The following SLC39A10 variants were observed in gnomAD, a reference collection of about 807,000 sequenced individuals.
SLC39A10 encodes the protein zinc transporter ZIP10.
In SLC39A10, 13 loss-of-function variants were observed where a neutral mutation model predicts 65.1. That is an observed-to-expected ratio of 0.20 (90% CI 0.13 to 0.32). The LOEUF is 0.32. Ranked by LOEUF, SLC39A10 falls within the 10% of genes least tolerant of loss-of-function variation. The pLI is 1.00. For missense variants in SLC39A10, 831 were observed against 1,018.4 expected, an observed-to-expected ratio of 0.82 and a Z score of 2.50; for synonymous variants, 321 against 342.2, an observed-to-expected ratio of 0.94 and a Z score of 0.68.
At chr2:195,664,799 A>G (rs1376577723) in intron 1 of SLC39A10, among the ~76,000 whole-genome samples, 1 of 152,206 alleles carries the variant, frequency 6.6e-6, no homozygotes, top group Non-Finnish European at 1.5e-5. Context: ...AAGTTTTTAT[A>G]GTTTTTCCCC....
At position 195,716,998 on chromosome 2, in the gene SLC39A10, C is replaced by T. The variant is rs759918052; in HGVS notation, c.2058C>T (p.Leu686=). Reference sequence around the variant, plus strand: ...GCATCCACAACTTCAGTGATGGGCTCGCAATTGGTAAGTGGACTGGAAACC... The same window carrying T: ...GCATCCACAACTTCAGTGATGGGCTTGCAATTGGTAAGTGGACTGGAAACC... ...GDGIHNFSDG[L]AIGAAFSAGL... is the part of the protein sequence containing the mutation. The change falls in exon 7 of 10, where the codon CTC becomes CTT. Residue 686 remains leucine (L), a synonymous_variant. Coordinates refer to ENST00000359634, the MANE Select transcript of SLC39A10 (RefSeq NM_020342.3). The T allele has an allele frequency of 2.0e-5, 33 of 1,612,830 alleles. No individual in the cohort carries two copies. The highest frequency in any genetic ancestry group is 2.6e-5 in the Non-Finnish European group (31 of 1,179,368).
chr2:195,680,546 TA>T lies in SLC39A10; in HGVS notation c.507del (p.Lys169AsnfsTer153). On this transcript the variant is annotated frameshift_variant, in exon 2 of 10. Transcript: ENST00000359634. LOFTEE classifies it high-confidence loss of function. ...TVEVSVKSDD[K>X]HMHDHNHRLR... ...TTGAAGTGTCTGTAAAATCTGATGA[TA>T]AACATATGCATGACCATAATCACCG... 6.2e-7 allele frequency: 1 copy of T among 1,614,162 alleles called. No homozygotes were observed. The highest frequency in any genetic ancestry group is 8.5e-7 in the Non-Finnish European group (1 of 1,180,036).
At chr2:195,698,544 T>A (rs1691061648) in intron 3 of SLC39A10, among the ~76,000 whole-genome samples, 1 of 152,086 alleles carries the variant, frequency 6.6e-6, no homozygotes, top group Admixed American at 6.6e-5. Flanking sequence ...TTGAATTTTG[T>A]CATGTGCTTT....
chr2:195,712,569 CT>C (rs942395686), intron 5 of SLC39A10, among the ~76,000 whole-genome samples: 6 of 152,056 alleles, frequency 3.9e-5, no homozygotes, highest in East Asian at 3.8e-4. Flanking sequence ...CCAGAGAAAA[CT>C]TTTTTTTCAA....
intron 9 of SLC39A10, among the ~76,000 whole-genome samples, chr2:195,731,613 T>G (rs1692435097): frequency 6.6e-6 from 1 of 152,182 alleles, no homozygotes; most frequent in African/African-American, 2.4e-5. Flanking sequence ...AGAATGAGTC[T>G]TTACAGAAAG....
chr2:195,663,795 T>C (rs1169294917), intron 1 of SLC39A10, among the ~76,000 whole-genome samples: 2 of 151,512 alleles, frequency 1.3e-5, no homozygotes, highest in Non-Finnish European at 2.9e-5. Context: ...TTTTTTCTTT[T>C]TTTTTTTTTC....
chr2:195,636,707 C>T (rs534944769), intron 2 of SLC39A10, among the ~76,000 whole-genome samples: 10 of 152,096 alleles, frequency 6.6e-5, no homozygotes, highest in African/African-American at 2.4e-4. Context: ...GAGCCTAGAT[C>T]GCGCCACTGC....
chr2:195,710,494 A>G (rs1328571526), intron 5 of SLC39A10, among the ~76,000 whole-genome samples: 1 of 152,144 alleles, frequency 6.6e-6, no homozygotes, highest in African/African-American at 2.4e-5. Flanking sequence ...TTTTGTATAT[A>G]TTCCTTTCAT....
At chr2:195,660,680 T>C (rs7014) in intron 1 of SLC39A10, among the ~76,000 whole-genome samples, 69,951 of 151,988 alleles carry the variant, frequency 0.46, 17,278 homozygotes, top group Non-Finnish European at 0.57. Context: ...GGGGTGAATT[T>C]TGGGTAGAGA....
At chr2:195,627,514 A>G (rs1275086005) in intron 2 of SLC39A10, among the ~76,000 whole-genome samples, 3 of 152,206 alleles carry the variant, frequency 2.0e-5, no homozygotes, top group Admixed American at 6.5e-5. Context: ...AACATAACCC[A>G]GAAGACCTGA....
At position 195,737,084 on chromosome 2, in the gene SLC39A10, A is replaced by T. The variant is rs1275150760; in HGVS notation, c.*2043A>T. On this transcript the variant is annotated 3_prime_UTR_variant, in exon 10 of 10. Transcript: ENST00000359634. Reference sequence around the variant, plus strand: ...GTAGGTTATGCTGAAGTATATAAAGAAGTTTTATATTCTCTCAAAAATGGT... The same window carrying T: ...GTAGGTTATGCTGAAGTATATAAAGTAGTTTTATATTCTCTCAAAAATGGT... The T allele has an allele frequency of 6.6e-6, 1 of 152,586 alleles. No homozygotes were observed. The highest frequency in any genetic ancestry group is 2.4e-5 in the African/African-American group (1 of 41,448). 9.5% of individuals were successfully genotyped at this position (152,586 alleles called of 1,614,324 possible).
chr2:195,635,096 T>G (rs1008597406), intron 2 of SLC39A10, among the ~76,000 whole-genome samples: 2 of 152,234 alleles, frequency 1.3e-5, no homozygotes, highest in South Asian at 2.1e-4. Context: ...AAAAGAACAC[T>G]GACATCAATT....
At chr2:195,700,966 A>G (rs921711916) in intron 3 of SLC39A10, among the ~76,000 whole-genome samples, 1 of 151,816 alleles carries the variant, frequency 6.6e-6, no homozygotes, top group African/African-American at 2.4e-5. Flanking sequence ...CAAATTTGGG[A>G]AGTTTTTAGC....
intron 1 of SLC39A10, among the ~76,000 whole-genome samples, chr2:195,672,268 G>C (rs1236135421): frequency 6.6e-6 from 1 of 152,014 alleles, no homozygotes; most frequent in Non-Finnish European, 1.5e-5. Flanking sequence ...GTAGCTGGGA[G>C]TACAGGCATA....
intron 2 of SLC39A10, among the ~76,000 whole-genome samples, chr2:195,635,044 G>C (rs1435039037): frequency 6.6e-6 from 1 of 152,028 alleles, no homozygotes; most frequent in Non-Finnish European, 1.5e-5. Context: ...GCAAGACTTT[G>C]TCTCCAAAAA....
chr2:195,613,441 A>G (rs928867277), intron 2 of SLC39A10, among the ~76,000 whole-genome samples: 1 of 152,232 alleles, frequency 6.6e-6, no homozygotes, highest in Non-Finnish European at 1.5e-5. Context: ...TTATAAAATT[A>G]CAAAGGAATG....
chr2:195,680,817 G>A lies in SLC39A10; in HGVS notation c.775G>A (p.Glu259Lys). ...TTTTCCCCCTAACCATGATCAGGGTGAACAGTATGAGCATAATCGGGTCCA... is the reference window on the plus strand; with the variant it reads ...TTTTCCCCCTAACCATGATCAGGGTAAACAGTATGAGCATAATCGGGTCCA... ...PGFPPNHDQG[E>K]QYEHNRVHKP... Residue 259 changes from glutamate (E) to lysine (K), a missense_variant, in exon 2 of 10, where the codon GAA becomes AAA. Around this residue, in one of 4 missense-constraint regions of SLC39A10, gnomAD observed 446 missense variants for 499.2 expected, o/e 0.89. Coordinates refer to ENST00000359634, the MANE Select transcript of SLC39A10 (RefSeq NM_020342.3). 1 of 1,614,094 alleles carries A rather than the reference G, an allele frequency of 6.2e-7. No individual in the cohort carries two copies. Among genetic ancestry groups the A allele is most frequent in the East Asian group, 2.2e-5 (1 of 44,880 alleles).
At chr2:195,665,122 T>C (rs1348161257) in intron 1 of SLC39A10, among the ~76,000 whole-genome samples, 1 of 152,136 alleles carries the variant, frequency 6.6e-6, no homozygotes, top group Non-Finnish European at 1.5e-5. Context: ...GTCAGGAGTT[T>C]GAGACTAGCC....
In SLC39A10 at chr2:195,680,820, C is replaced by G; in HGVS notation, c.778C>G (p.Gln260Glu). 2 of 1,614,062 alleles carry G rather than the reference C, an allele frequency of 1.2e-6. No individual in the cohort carries two copies. The highest frequency in any genetic ancestry group is 1.7e-6 in the Non-Finnish European group (2 of 1,180,004). The change falls in exon 2 of 10, where the codon CAG (glutamine) becomes GAG (glutamate). Residue 260 changes from glutamine to glutamate, a missense_variant. Physicochemically the swap from Gln to Glu is conservative, Grantham distance 29. Transcript: ENST00000359634. The part of the protein sequence containing the change: ...GFPPNHDQGE[Q>E]YEHNRVHKPD... ...TCCCCCTAACCATGATCAGGGTGAA[C>G]AGTATGAGCATAATCGGGTCCACAA... is the stretch of plus-strand genomic sequence containing the variant.
Sources: gnomAD v4.1 joint callset for allele counts (sites outside exome capture counted in the v4.1 genomes callset) on GRCh38, gnomAD v4.1.1 for gene constraint, gnomAD v4.1.1 regional missense constraint, MANE v1.5 for transcripts, NCBI Gene and HGNC (gene_info 2026-07-23, HGNC 2026-07-21) for gene names.